The following CACNA2D1 variants were observed in gnomAD, a reference collection of about 807,000 sequenced individuals.
CACNA2D1 encodes the protein calcium voltage-gated channel auxiliary subunit alpha2delta 1.
CACNA2D1 carries 53 observed loss-of-function variants against 171.5 expected under a neutral mutation model. That is an observed-to-expected ratio of 0.31 (90% CI 0.25 to 0.39). The LOEUF (loss-of-function observed/expected upper bound fraction) is 0.39, where lower values mean the gene tolerates loss of function less well. Ranked by LOEUF, CACNA2D1 falls within the 10% of genes least tolerant of loss-of-function variation. CACNA2D1 has a pLI of 1.00. For missense variants in CACNA2D1, 903 were observed against 1,299.8 expected (o/e 0.69, Z 4.69); for synonymous variants, 442 against 443.1 (o/e 1.00, Z 0.03).
At chr7:82,002,407 C>T (rs551095913) in intron 18 of CACNA2D1, among the ~76,000 whole-genome samples, 2 of 152,236 alleles carry the variant, frequency 1.3e-5, no homozygotes, top group South Asian at 4.1e-4. Flanking sequence ...ATAAGCCACC[C>T]AGTCTATAGT....
chr7:82,192,621 T>C (rs1476448364), intron 3 of CACNA2D1, among the ~76,000 whole-genome samples: 4 of 151,468 alleles, frequency 2.6e-5, no homozygotes, highest in African/African-American at 9.7e-5. Context: ...GAATTCAAGA[T>C]GTGTAAGTAT....
intron 1 of CACNA2D1, among the ~76,000 whole-genome samples, chr7:82,392,667 T>C (rs982671738): frequency 6.6e-6 from 1 of 151,998 alleles, no homozygotes; most frequent in African/African-American, 2.4e-5. Flanking sequence ...CCACGAAAAA[T>C]CCTGCATCAA....
At chr7:82,111,327 C>T (rs1454785263) in intron 6 of CACNA2D1, among the ~76,000 whole-genome samples, 19 of 113,240 alleles carry the variant, frequency 1.7e-4, no homozygotes, top group African/African-American at 6.7e-4. Flanking sequence ...TGTATATACG[C>T]ATACACGTAT....
chr7:82,296,060 G>A (rs1476440717), intron 3 of CACNA2D1, among the ~76,000 whole-genome samples: 28 of 150,226 alleles, frequency 1.9e-4, no homozygotes, highest in African/African-American at 6.6e-4. Flanking sequence ...ATTGAACAAT[G>A]AGAACACATG....
At chr7:82,089,827 C>T (rs547213339) in intron 6 of CACNA2D1, among the ~76,000 whole-genome samples, 1 of 152,142 alleles carries the variant, frequency 6.6e-6, no homozygotes, top group African/African-American at 2.4e-5. Context: ...AAATGTTGCA[C>T]TATTGCTCCC....
intron 3 of CACNA2D1, among the ~76,000 whole-genome samples, chr7:82,180,157 G>A (rs1796968131): frequency 6.6e-6 from 1 of 152,068 alleles, no homozygotes; most frequent in Non-Finnish European, 1.5e-5. Flanking sequence ...AAACAGCCTT[G>A]GAATATAGAG....
intron 3 of CACNA2D1, among the ~76,000 whole-genome samples, chr7:82,284,229 A>C (rs1810486944): frequency 6.6e-6 from 1 of 151,870 alleles, no homozygotes; most frequent in African/African-American, 2.4e-5. Flanking sequence ...AAAAACTATA[A>C]AGAAAAAGGT....
chr7:81,994,031 T>C (rs1391614319), intron 20 of CACNA2D1, among the ~76,000 whole-genome samples: 1 of 152,094 alleles, frequency 6.6e-6, no homozygotes, highest in Non-Finnish European at 1.5e-5. Context: ...TGAAGGATCA[T>C]AGTCAGATCC....
chr7:82,186,255 A>AAGAAAGG (rs1563174157), intron 3 of CACNA2D1, among the ~76,000 whole-genome samples: 18 of 111,424 alleles, frequency 1.6e-4, no homozygotes, highest in African/African-American at 5.3e-4. Context: ...AGGAAGGAAG[A>AAGAAAGG]AAGGAAGGAA....
At chr7:82,129,323 C>T (rs1790689895) in intron 5 of CACNA2D1, among the ~76,000 whole-genome samples, 1 of 152,280 alleles carries the variant, frequency 6.6e-6, no homozygotes, top group African/African-American at 2.4e-5. Context: ...TGAATGTTTC[C>T]TTCCATTAAA....
intron 3 of CACNA2D1, among the ~76,000 whole-genome samples, chr7:82,215,461 A>G (rs1375136357): frequency 6.6e-6 from 1 of 152,202 alleles, no homozygotes; most frequent in Non-Finnish European, 1.5e-5. Flanking sequence ...AATAGCAAGC[A>G]AGAAATCTTG....
At chr7:82,136,796 C>T (rs566618990) in intron 4 of CACNA2D1, 120 bp from the exon 5 acceptor site, 2 of 719,034 alleles carry the variant, frequency 2.8e-6, no homozygotes, top group East Asian at 5.5e-5. Flanking sequence ...ACAATATATT[C>T]CACAATGATC....
In CACNA2D1 at chr7:82,152,286, AG is replaced by A. The variant is rs537667745; in HGVS notation, c.355-15611del. On this transcript the variant is annotated intron_variant, in intron 4 of 38. Transcript: ENST00000356860. ...CCCCCCCACCCCCCAAAAATAAATT[AG>A]ATCTTAATATACAAAGTTGAGCTCA... Among the ~76,000 whole-genome samples the A allele has an allele frequency of 1.5e-3, 199 of 134,322 alleles. 1 individual carries two copies. The highest frequency in any genetic ancestry group is 2.1e-3 in the Admixed American group (26 of 12,330). The allele number at this position is 134,322 out of a possible 152,430, so 88.1% of individuals were successfully genotyped here.
At chr7:81,997,086 TAACACATTGTAGCCGTTC>T in intron 19 of CACNA2D1, 75 bp downstream of exon 19, 1 of 799,948 alleles carries the variant, frequency 1.3e-6, no homozygotes, top group South Asian at 1.3e-5. Flanking sequence ...ACAGACAAGC[TAACACATTGTAGCCGTTC>T]AACAGATACT....
At chr7:82,372,849 TA>T (rs1822561676) in intron 1 of CACNA2D1, among the ~76,000 whole-genome samples, 1 of 152,178 alleles carries the variant, frequency 6.6e-6, no homozygotes, top group African/African-American at 2.4e-5. Flanking sequence ...AATATTCTTA[TA>T]TTTTACTATC....
In CACNA2D1 at chr7:82,012,187, T is replaced by A; in HGVS notation, c.1329A>T (p.Gln443His). ...PMVLAGDKAK[Q>H]VQWTNVYLDA... ...CCAGGTACACATTTGTCCATTGGAC[T>A]TGCTTAGCTTTGTCTCCTGCTAAAA... Residue 443 changes from glutamine (Q) to histidine (H), a missense_variant, in exon 15 of 39, where the codon CAA becomes CAT. By Grantham distance (24) the Gln-to-His change is conservative. Coordinates refer to ENST00000356860, the MANE Select transcript of CACNA2D1 (RefSeq NM_000722.4). The A allele has an allele frequency of 6.2e-7, 1 of 1,608,868 alleles. No individual in the cohort carries two copies. Among genetic ancestry groups the A allele is most frequent in the Non-Finnish European group, 8.5e-7 (1 of 1,175,572 alleles).
At chr7:82,250,175 T>C (rs1805460236) in intron 3 of CACNA2D1, among the ~76,000 whole-genome samples, 1 of 152,188 alleles carries the variant, frequency 6.6e-6, no homozygotes, top group African/African-American at 2.4e-5. Context: ...TCCACCCTCA[T>C]TGCCCAATCA....
At chr7:82,330,444 A>G (rs1817173874) in intron 3 of CACNA2D1, among the ~76,000 whole-genome samples, 1 of 152,132 alleles carries the variant, frequency 6.6e-6, no homozygotes, top group Admixed American at 6.5e-5. Flanking sequence ...AAAAACCTGA[A>G]TTATCAAAGA....
At chr7:82,135,700 T>G (rs1163225167) in intron 5 of CACNA2D1, among the ~76,000 whole-genome samples, 3 of 152,118 alleles carry the variant, frequency 2.0e-5, no homozygotes, top group African/African-American at 7.2e-5. Context: ...TAGACTTGTT[T>G]TATGTATTTT....
Sources: allele counts gnomAD v4.1 joint callset (sites outside exome capture counted in the v4.1 genomes callset), GRCh38; gene constraint gnomAD v4.1.1; transcripts MANE v1.5; gene names NCBI Gene and HGNC (gene_info 2026-07-23, HGNC 2026-07-21).